TCERG1L: variants seen among roughly 807,000 people sequenced by gnomAD.
The protein encoded by TCERG1L is transcription elongation regulator 1 like.
In TCERG1L, 37 loss-of-function variants were observed where a neutral mutation model predicts 56.3. The observed-to-expected ratio is 0.66, with a 90% CI of 0.51 to 0.87. TCERG1L has a LOEUF of 0.87. Ranked by LOEUF, TCERG1L falls within the 40% of genes least tolerant of loss-of-function variation. The pLI, the probability that TCERG1L is intolerant of heterozygous loss-of-function variation, is 0.00. For synonymous variants in TCERG1L, 324 were observed against 326.3 expected (o/e 0.99, Z 0.08); for missense variants, 799 against 774.2 (o/e 1.03, Z -0.38).
chr10:131,169,234 G>C (rs1443752851), intron 4 of TCERG1L, among the ~76,000 whole-genome samples: 3 of 152,026 alleles, frequency 2.0e-5, no homozygotes, highest in Admixed American at 1.3e-4. Context: ...GGGATTAGCT[G>C]GTCACTACCT....
intron 6 of TCERG1L, chr10:131,161,924 G>C (rs1036985738): frequency 2.6e-5 from 4 of 152,256 alleles, no homozygotes; most frequent in Admixed American, 2.6e-4. Flanking sequence ...GGCTGTTCCT[G>C]AGTTGTATCC....
intron 4 of TCERG1L, among the ~76,000 whole-genome samples, chr10:131,220,507 A>C (rs951801665): frequency 6.6e-6 from 1 of 152,134 alleles, no homozygotes; most frequent in African/African-American, 2.4e-5. Flanking sequence ...TGGGCTACTC[A>C]ACTCTGGCTA....
chr10:131,301,005 G>A (rs764815261), intron 3 of TCERG1L, among the ~76,000 whole-genome samples: 6 of 152,144 alleles, frequency 3.9e-5, no homozygotes, highest in Middle Eastern at 3.4e-3. Flanking sequence ...ATTCTGGCAT[G>A]TATGAAAATC....
At chr10:131,102,412 G>A (rs551589909) in intron 10 of TCERG1L, among the ~76,000 whole-genome samples, 3 of 152,240 alleles carry the variant, frequency 2.0e-5, no homozygotes, top group East Asian at 1.9e-4. Context: ...CGAGCAACGC[G>A]GGTCCATGTG....
intron 8 of TCERG1L, among the ~76,000 whole-genome samples, chr10:131,133,225 T>C (rs1012476054): frequency 1.3e-5 from 2 of 152,216 alleles, no homozygotes; most frequent in Non-Finnish European, 2.9e-5. Context: ...ACCATCCTTC[T>C]GTCCTTTGCT....
At chr10:131,115,796 C>G (rs1404479994) in intron 9 of TCERG1L, among the ~76,000 whole-genome samples, 1 of 152,162 alleles carries the variant, frequency 6.6e-6, no homozygotes, top group Non-Finnish European at 1.5e-5. Context: ...TCTGTTCCCC[C>G]AAGGCTTAAC....
At chr10:131,227,919 C>G (rs985122070) in intron 4 of TCERG1L, among the ~76,000 whole-genome samples, 1 of 152,158 alleles carries the variant, frequency 6.6e-6, no homozygotes, top group African/African-American at 2.4e-5. Flanking sequence ...GGGCTGTGCT[C>G]AGGCATCTTC....
intron 4 of TCERG1L, among the ~76,000 whole-genome samples, chr10:131,216,887 C>T (rs763454170): frequency 2.6e-4 from 40 of 152,128 alleles, no homozygotes; most frequent in Non-Finnish European, 5.0e-4. Flanking sequence ...CAAGAGACCG[C>T]GGGGTGGTTC....
chr10:131,144,351 G>A (rs949573600), intron 7 of TCERG1L, among the ~76,000 whole-genome samples: 4 of 152,144 alleles, frequency 2.6e-5, no homozygotes, highest in Non-Finnish European at 4.4e-5. Flanking sequence ...GACGAGCCGC[G>A]ACGAACGATC....
intron 6 of TCERG1L, chr10:131,161,528 T>TAGG (rs1378491586): frequency 6.6e-6 from 1 of 152,158 alleles, no homozygotes; most frequent in Non-Finnish European, 1.5e-5. Context: ...CCTGACCTGG[T>TAGG]AGGAATAACA....
chr10:131,142,233 G>C (rs1032565197), intron 7 of TCERG1L, among the ~76,000 whole-genome samples: 1 of 152,208 alleles, frequency 6.6e-6, no homozygotes, highest in Non-Finnish European at 1.5e-5. Flanking sequence ...GGTGGGCAGA[G>C]CCTCCCACAT....
intron 8 of TCERG1L, among the ~76,000 whole-genome samples, chr10:131,129,038 G>T (rs1480925201): frequency 2.0e-5 from 3 of 152,144 alleles, no homozygotes; most frequent in African/African-American, 7.2e-5. Flanking sequence ...CAAATGATGG[G>T]AAATGCAACA....
chr10:131,293,755 C>CA (rs1846659630), intron 3 of TCERG1L, among the ~76,000 whole-genome samples: 1 of 152,232 alleles, frequency 6.6e-6, no homozygotes, highest in African/African-American at 2.4e-5. Flanking sequence ...TGTTAAGCCA[C>CA]ATTTCATGTT....
intron 4 of TCERG1L, among the ~76,000 whole-genome samples, chr10:131,251,008 G>C (rs192114207): frequency 6.6e-6 from 1 of 151,966 alleles, no homozygotes. Context: ...TCATGCCTGG[G>C]AGAGTTGGGG....
At chr10:131,244,181 G>A (rs1457393281) in intron 4 of TCERG1L, among the ~76,000 whole-genome samples, 1 of 152,230 alleles carries the variant, frequency 6.6e-6, no homozygotes, top group Non-Finnish European at 1.5e-5. Flanking sequence ...CCGTGGGGTG[G>A]AGGCCCGGGG....
chr10:131,206,827 G>A (rs555542060), intron 4 of TCERG1L, among the ~76,000 whole-genome samples: 2 of 152,234 alleles, frequency 1.3e-5, no homozygotes, highest in East Asian at 3.9e-4. Context: ...TGAGGAGAGG[G>A]TGGGGTGCGT....
At position 131,178,229 on chromosome 10, in the gene TCERG1L, G is replaced by A. The variant is rs115731586; in HGVS notation, c.857-11344C>T. Among the ~76,000 whole-genome samples the A allele has an allele frequency of 7.8e-3, 1,182 of 152,294 alleles. 17 individuals are homozygous for A. The highest frequency in any genetic ancestry group is 0.027 in the African/African-American group (1,121 of 41,562). On this transcript the variant is annotated intron_variant, in intron 4 of 11. Transcript: ENST00000368642. ...TGCCTTTACTAGAATTGCAGGGTTA[G>A]CACAAGACAGTGACAGCGGTGACCC...
Position 131,299,491 on chromosome 10 carries a change from TGAAGATATATCTTTC to T in TCERG1L, c.670+8705_670+8719del, listed in dbSNP as rs1336445807. Among the ~76,000 whole-genome samples, 949 of 142,118 alleles carry T rather than the reference TGAAGATATATCTTTC, an allele frequency of 6.7e-3. 12 individuals are homozygous for T. The highest frequency in any genetic ancestry group is 0.022 in the African/African-American group (816 of 37,596). The allele number at this position is 142,118 out of a possible 152,430, so 93.2% of individuals were successfully genotyped here. A position where few individuals can be genotyped will look rare whatever the true frequency, so the allele number is the denominator to read the frequency against. ...TGCTGCTCTACTGTTTTATATCTTT[TGAAGATATATCTTTC>T]GAAGATATATCTTTCGAAGATAAAG... On this transcript the variant is annotated intron_variant, in intron 3 of 11. Coordinates refer to ENST00000368642, the MANE Select transcript of TCERG1L (RefSeq NM_174937.4).
rs541484444 is a variant in TCERG1L, at chr10:131,295,644, T to C, written c.670+12567A>G. On this transcript the variant is annotated intron_variant, in intron 3 of 11. Coordinates refer to ENST00000368642, the MANE Select transcript of TCERG1L (RefSeq NM_174937.4). ...TATTCCTGGGGTATATAGTGATAAT[T>C]TGAGCCATATGAAGTCTAGTGACCA... is the stretch of plus-strand genomic sequence containing the variant. Among the ~76,000 whole-genome samples the C allele has an allele frequency of 1.7e-4, 26 of 152,364 alleles. No homozygotes were observed. In the South Asian group the frequency reaches 5.4e-3, roughly 32 times the overall value.
Sources: allele counts gnomAD v4.1 joint callset (sites outside exome capture counted in the v4.1 genomes callset), GRCh38; gene constraint gnomAD v4.1.1; transcripts MANE v1.5; gene names NCBI Gene and HGNC (gene_info 2026-07-23, HGNC 2026-07-21).